The following TSC1 variants were observed in gnomAD, a reference collection of about 807,000 sequenced individuals.
TSC1 encodes the protein TSC complex subunit 1, also known as hamartin.
Under a neutral mutation model 124.3 loss-of-function variants are expected in TSC1, and 20 were observed. That is an observed-to-expected ratio of 0.16 (90% confidence interval 0.11 to 0.23). The LOEUF (loss-of-function observed/expected upper bound fraction) is 0.23, where lower values mean the gene tolerates loss of function less well. TSC1 is among the 10% of genes least tolerant of loss of function. The probability of loss-of-function intolerance (pLI) is 1.00; values close to 1 mark genes in which losing one functional copy is unlikely to be tolerated. For missense variants in TSC1, 1,124 were observed against 1,448.5 expected (o/e 0.78, Z 3.64); for synonymous variants, 493 against 539.1 (o/e 0.91, Z 1.19).
rs201562103 is a variant in TSC1 at position 132,921,942 on chromosome 9, G to A, written c.540C>T (p.Leu180=). ...GAAAGAGTGCGTACACACTGGCATG[G>A]AGATGGACGAGATAGACTTCCGCCA... ...GHVAEVYLVH[L]HASVYALFHR... The change falls in exon 7 of 23, where the codon CTC becomes CTT. Residue 180 remains leucine (L), a synonymous_variant. Coordinates refer to ENST00000298552, the MANE Select transcript of TSC1 (RefSeq NM_000368.5). This position sits in a 1 kb window ranked among gnomAD's most constrained non-coding sequence, Gnocchi z 4.3. The A allele has an allele frequency of 4.3e-6, 7 of 1,614,158 alleles. No homozygotes were observed. Among genetic ancestry groups the A allele is most frequent in the Non-Finnish European group, 5.1e-6 (6 of 1,180,006 alleles).
chr9:132,900,877 A>G, intron 19 of TSC1, 40 bp from the exon 20 acceptor site: 3 of 1,613,346 alleles, frequency 1.9e-6, no homozygotes, highest in Non-Finnish European at 2.5e-6. Flanking sequence ...ATCCGACGAC[A>G]TAAAACTAGC....
In TSC1 at chr9:132,936,550, T is replaced by C. The variant is rs143515593; in HGVS notation, c.-143-1455A>G. ...TTTTCTTCCCCCTTTTACCCTACTTTCTGTCCAAATTAACTTGTATTAAAT... is the reference window on the plus strand; with the variant it reads ...TTTTCTTCCCCCTTTTACCCTACTTCCTGTCCAAATTAACTTGTATTAAAT... On this transcript the variant is annotated intron_variant, in intron 1 of 22. Transcript: ENST00000298552. Among the ~76,000 whole-genome samples, 1,253 of 152,362 alleles carry C rather than the reference T, an allele frequency of 8.2e-3. 15 individuals are homozygous for C. Among genetic ancestry groups the C allele is most frequent in the African/African-American group, 0.025 (1,044 of 41,586 alleles).
At chr9:132,917,481 C>T (rs1846324807) in intron 8 of TSC1, among the ~76,000 whole-genome samples, 1 of 152,108 alleles carries the variant, frequency 6.6e-6, no homozygotes, top group South Asian at 2.1e-4. Flanking sequence ...CAGGCACCCA[C>T]CACCATGCCC....
At position 132,944,563 on chromosome 9, in the gene TSC1, G is replaced by A; in HGVS notation, c.-164C>T. ...CTCACCCACCGTCTCCTCCCCCTCA[G>A]CTGTTTACCTCACAGTCCCTCCAGC... On this transcript the variant is annotated 5_prime_UTR_variant, in exon 1 of 23. Coordinates refer to ENST00000298552, the MANE Select transcript of TSC1 (RefSeq NM_000368.5). The A allele has an allele frequency of 7.5e-6, 3 of 398,834 alleles. No homozygotes were observed. Among genetic ancestry groups the A allele is most frequent in the Non-Finnish European group, 1.3e-5 (3 of 226,260 alleles). 24.7% of individuals were successfully genotyped at this position (398,834 alleles called of 1,614,324 possible). A position where few individuals can be genotyped will look rare whatever the true frequency, so the allele number is the denominator to read the frequency against.
intron 1 of TSC1, among the ~76,000 whole-genome samples, chr9:132,937,340 G>A (rs1847507839): frequency 6.6e-6 from 1 of 152,250 alleles, no homozygotes; most frequent in South Asian, 2.1e-4. Flanking sequence ...CTACTCGGGA[G>A]GCTAAGGCAG....
intron 6 of TSC1, 101 bp from the exon 7 acceptor site, chr9:132,922,074 T>C (rs1846599490): frequency 7.2e-7 from 1 of 1,397,620 alleles, no homozygotes; most frequent in Non-Finnish European, 1.0e-6. Flanking sequence ...TTTTTATCTA[T>C]GTATATTCCC....
intron 6 of TSC1, among the ~76,000 whole-genome samples, chr9:132,922,295 C>T (rs555480169): frequency 2.0e-5 from 3 of 152,330 alleles, no homozygotes; most frequent in East Asian, 3.9e-4. Context: ...TCTCACAATA[C>T]TGAACTATCT....
intron 20 of TSC1, chr9:132,900,331 G>GAAAA: frequency 4.2e-6 from 1 of 237,844 alleles, no homozygotes; most frequent in Non-Finnish European, 8.4e-6. Flanking sequence ...ACATTAAAAG[G>GAAAA]AAAAAAAAAA....
intron 18 of TSC1, 85 bp from the exon 19 acceptor site, chr9:132,901,784 C>G (rs1845386989): frequency 8.3e-7 from 1 of 1,198,562 alleles, no homozygotes; most frequent in African/African-American, 1.5e-5. Flanking sequence ...CCACAGAGGA[C>G]TGGGAATGCC....
chr9:132,938,432 A>G (rs542720023), intron 1 of TSC1, among the ~76,000 whole-genome samples: 34 of 152,314 alleles, frequency 2.2e-4, no homozygotes, highest in African/African-American at 7.9e-4. Context: ...ACTTATGTTC[A>G]TCATTATAAC....
rs528263545 is a variant in TSC1, at chr9:132,902,224, A to G, written c.2391+381T>C. Among the ~76,000 whole-genome samples the G allele has an allele frequency of 1.1e-4, 16 of 152,348 alleles. No homozygotes were observed. The highest frequency in any genetic ancestry group is 2.1e-4 in the Non-Finnish European group (14 of 68,038). On this transcript the variant is annotated intron_variant, in intron 18 of 22. Coordinates refer to ENST00000298552, the MANE Select transcript of TSC1 (RefSeq NM_000368.5). The surrounding 1 kb of genome is among the most constrained non-coding windows in gnomAD (Gnocchi z 5.2). Reference sequence around the variant, plus strand: ...AGTGCCCAATAGGTGCACACGAGGCATTAGTAATTGCAATTATTTTTTTAA... The same window carrying G: ...AGTGCCCAATAGGTGCACACGAGGCGTTAGTAATTGCAATTATTTTTTTAA...
chr9:132,928,828 G>A lies in TSC1; in HGVS notation c.45C>T (p.Asp15=), dbSNP rs1457262106. The change falls in exon 3 of 23, where the codon GAC becomes GAT. Residue 15 remains aspartate (D), a synonymous_variant. Transcript: ENST00000298552. ...CGTCCCGCACACCCAGCATGGGGGA[G>A]TCCAGCATGGCAAGAAGCTCCCCGA... ...ANVGELLAML[D]SPMLGVRDDV... 1.2e-6 allele frequency: 2 copies of A among 1,614,124 alleles called. No homozygotes were observed. Among genetic ancestry groups the A allele is most frequent in the African/African-American group, 2.7e-5 (2 of 74,952 alleles).
In TSC1 at chr9:132,903,940, T is replaced by C. The variant is rs1017437175; in HGVS notation, c.2042-123A>G. On this transcript the variant is annotated intron_variant, in intron 16 of 22. Coordinates refer to ENST00000298552, the MANE Select transcript of TSC1 (RefSeq NM_000368.5). The surrounding 1 kb of genome is among the most constrained non-coding windows in gnomAD (Gnocchi z 5.9). Reference sequence around the variant, plus strand: ...TTTAAAAACAAATCACCACTCTCTTTGCAAATGACCACTTGACTCCCAGCA... The same window carrying C: ...TTTAAAAACAAATCACCACTCTCTTCGCAAATGACCACTTGACTCCCAGCA... 1.5e-5 allele frequency: 18 copies of C among 1,176,990 alleles called. No individual in the cohort carries two copies. The African/African-American group carries it at 2.7e-4, about 18-fold the overall frequency. The allele number at this position is 1,176,990 out of a possible 1,614,324, so 72.9% of individuals were successfully genotyped here.
At chr9:132,910,873 G>A (rs573049723) in intron 11 of TSC1, 129 bp downstream of exon 11, 1 of 1,292,684 alleles carries the variant, frequency 7.7e-7, no homozygotes, top group East Asian at 2.4e-5. Flanking sequence ...GAAAGCCCCA[G>A]GGATTTGCAA....
upstream of TSC1, chr9:132,944,968 G>C: frequency 5.1e-6 from 1 of 196,516 alleles, no homozygotes; most frequent in Non-Finnish European, 1.0e-5. Context: ...TGGCGGGCGG[G>C]GGGACGCGGC....
rs543077026 is a variant in TSC1 at position 132,905,776 on chromosome 9, G to A, written c.1802C>T (p.Pro601Leu). ...CTCAAAAAGATGATCATACGGGGGA[G>A]GCTGCCCGCTTCCAAAGCCCACTCT... ...PTRVGFGSGQPPPYDHLFEVA... is the reference protein window; with the variant it reads ...PTRVGFGSGQLPPYDHLFEVA... The change falls in exon 15 of 23, where the codon CCT becomes CTT. Residue 601 changes from proline to leucine, a missense_variant. Around this residue, in one of 5 missense-constraint regions of TSC1, gnomAD observed 321 missense variants for 397.4 expected, o/e 0.81. Transcript: ENST00000298552. 3 of 1,614,226 alleles carry A rather than the reference G, an allele frequency of 1.9e-6. No individual in the cohort carries two copies. The African/African-American group carries it at 4.0e-5, about 22-fold the overall frequency.
chr9:132,900,417 C>T, intron 20 of TSC1: 1 of 414,364 alleles, frequency 2.4e-6, no homozygotes, highest in South Asian at 2.1e-5. Context: ...CCTTCTTTTT[C>T]TCTCTCCCTC....
intron 20 of TSC1, chr9:132,898,919 G>A (rs1047933632): frequency 5.9e-5 from 9 of 152,396 alleles, no homozygotes; most frequent in African/African-American, 1.9e-4. Context: ...TCTGGGAAAG[G>A]TTTTCTTTTC....
chr9:132,918,779 C>T (rs1379959832), intron 8 of TSC1, among the ~76,000 whole-genome samples: 2 of 152,164 alleles, frequency 1.3e-5, no homozygotes, highest in South Asian at 2.1e-4. Context: ...CTCAGTTCAA[C>T]ATACAACAAA....
Sources: gnomAD v4.1 joint callset for allele counts (sites outside exome capture counted in the v4.1 genomes callset) on GRCh38, gnomAD v4.1.1 for gene constraint, gnomAD v4.1.1 regional missense constraint, Gnocchi (gnomAD v3.1) non-coding constraint, MANE v1.5 for transcripts, NCBI Gene and HGNC (gene_info 2026-07-23, HGNC 2026-07-21) for gene names.